Variants in PVT1 observed in about 807,000 individuals in gnomAD.
PVT1 encodes the protein CXCR4/PVT1 fusion.
At chr8:128,014,077 C>T (rs1042026196) in intron 4 of PVT1, among the ~76,000 whole-genome samples, 1 of 152,110 alleles carries the variant, frequency 6.6e-6, no homozygotes, top group Admixed American at 6.5e-5. Context: ...GTAGGCCCTG[C>T]AATAAACATG....
At chr8:127,957,895 A>G (rs1024624909) in intron 3 of PVT1, among the ~76,000 whole-genome samples, 15 of 152,236 alleles carry the variant, frequency 9.9e-5, no homozygotes, top group Non-Finnish European at 2.9e-5. Context: ...TCTGCAGGGC[A>G]AGGCCGAGAA....
chr8:128,076,284 C>T (rs1198144291), intron 5 of PVT1, among the ~76,000 whole-genome samples: 1 of 152,132 alleles, frequency 6.6e-6, no homozygotes, highest in Non-Finnish European at 1.5e-5. Context: ...CACACTGCCA[C>T]CAGGATTGAC....
At chr8:128,064,189 A>G (rs1159290199) in intron 4 of PVT1, among the ~76,000 whole-genome samples, 1 of 152,190 alleles carries the variant, frequency 6.6e-6, no homozygotes, top group Non-Finnish European at 1.5e-5. Flanking sequence ...ATGATATGCT[A>G]GAAATATTAA....
Position 127,983,730 on chromosome 8 carries a change from G to C in PVT1, n.783-5432G>C, listed in dbSNP as rs143687759. On this transcript the variant is annotated intron_variant and non_coding_transcript_variant, in intron 3 of 10. Transcript: ENST00000651587. ...TATCAAACTCAGGAAATTTAGCATT[G>C]CTGCAATTGTATTATCCAATCCTCA... Among the ~76,000 whole-genome samples, 457 of 152,228 alleles carry C rather than the reference G, an allele frequency of 3.0e-3. 4 individuals are homozygous for C. Among genetic ancestry groups the C allele is most frequent in the Middle Eastern group, 0.027 (8 of 294 alleles).
rs74427087 is a variant in PVT1 at position 128,043,674 on chromosome 8, C to T, written n.913-26486C>T. Among the ~76,000 whole-genome samples, 9 of 151,780 alleles carry T rather than the reference C, an allele frequency of 5.9e-5. No homozygotes were observed. In the East Asian group the frequency reaches 1.5e-3, roughly 26 times the overall value. On this transcript the variant is annotated intron_variant and non_coding_transcript_variant, in intron 4 of 10. Transcript: ENST00000651587. ...ATTTCAACATCTTAATTTTTTCAGT[C>T]GATAATTATATTTTGGAGATCTTTG...
chr8:127,844,505 ATCT>A (rs1815009139), intron 2 of PVT1, among the ~76,000 whole-genome samples: 1 of 152,026 alleles, frequency 6.6e-6, no homozygotes, highest in African/African-American at 2.4e-5. Context: ...TAACCTTTTA[ATCT>A]TCTTTGCTTC....
At chr8:127,816,927 T>C (rs938531635) in intron 2 of PVT1, among the ~76,000 whole-genome samples, 12 of 152,348 alleles carry the variant, frequency 7.9e-5, no homozygotes, top group Non-Finnish European at 1.5e-4. Context: ...TATTTTTCAC[T>C]GTGATAATCT....
At chr8:127,848,331 G>A (rs113677778) in intron 2 of PVT1, among the ~76,000 whole-genome samples, 1 of 151,760 alleles carries the variant, frequency 6.6e-6, no homozygotes, top group African/African-American at 2.4e-5. Flanking sequence ...GCAGGGGGTT[G>A]CTTGAGCCCA....
rs1814680752 is a variant in PVT1, at chr8:127,817,558, CACAT to C, written n.372+21489_372+21492del. Among the ~76,000 whole-genome samples the C allele has an allele frequency of 4.3e-4, 39 of 91,106 alleles. No individual in the cohort carries two copies. The Middle Eastern group carries it at 0.026, about 60-fold the overall frequency. 59.8% of individuals were successfully genotyped at this position (91,106 alleles called of 152,430 possible). Reference sequence around the variant, plus strand: ...ATATATATATATATACACACACACACACATATATATATATATTTCCCTAAGGGTT... The same window carrying C: ...ATATATATATATATACACACACACACATATATATATATTTCCCTAAGGGTT... On this transcript the variant is annotated intron_variant and non_coding_transcript_variant, in intron 2 of 10. Transcript: ENST00000651587.
rs573844877 is a variant in PVT1, at chr8:127,943,933, A to G, written n.783-45229A>G. Among the ~76,000 whole-genome samples, 76 of 152,326 alleles carry G rather than the reference A, an allele frequency of 5.0e-4. 2 individuals are homozygous for G. Among genetic ancestry groups the G allele is most frequent in the South Asian group, 8.3e-4 (4 of 4,828 alleles). On this transcript the variant is annotated intron_variant and non_coding_transcript_variant, in intron 3 of 10. Transcript: ENST00000651587. ...CATGTTACTCCACATGTGGGAGAAA[A>G]AAATCATCCCATCTACTTCAGGACT...
At chr8:127,809,749 G>C (rs568739930) in intron 2 of PVT1, among the ~76,000 whole-genome samples, 1 of 152,180 alleles carries the variant, frequency 6.6e-6, no homozygotes, top group Non-Finnish European at 1.5e-5. Context: ...CGAAGACAGA[G>C]TTCCCTTCCG....
chr8:127,888,610 T>G (rs1815555704), intron 2 of PVT1, among the ~76,000 whole-genome samples: 1 of 151,840 alleles, frequency 6.6e-6, no homozygotes, highest in Non-Finnish European at 1.5e-5. Flanking sequence ...TCCTTAGGAG[T>G]GGAAGAGGGA....
rs535007277 is a variant in PVT1 at position 128,037,691 on chromosome 8, G to A, written n.913-32469G>A. Among the ~76,000 whole-genome samples the A allele has an allele frequency of 7.9e-5, 12 of 152,274 alleles. 1 individual carries two copies. The highest frequency in any genetic ancestry group is 5.2e-4 in the Admixed American group (8 of 15,298). On this transcript the variant is annotated intron_variant and non_coding_transcript_variant, in intron 4 of 10. Transcript: ENST00000651587. ...CCTGGGTTCTGAACCCCAGGCCTCC[G>A]TGGGACACAGAGCTTCTCAGGAGCA...
chr8:127,966,957 G>A (rs1386663606), intron 3 of PVT1, among the ~76,000 whole-genome samples: 2 of 152,180 alleles, frequency 1.3e-5, no homozygotes, highest in African/African-American at 2.4e-5. Flanking sequence ...GCTATGGCTA[G>A]TGGGTTTGCT....
At position 128,026,511 on chromosome 8, in the gene PVT1, G is replaced by C. The variant is rs896168789; in HGVS notation, n.912+37220G>C. Among the ~76,000 whole-genome samples the C allele has an allele frequency of 3.3e-5, 5 of 152,030 alleles. No homozygotes were observed. The South Asian group carries it at 8.3e-4, about 25-fold the overall frequency. On this transcript the variant is annotated intron_variant and non_coding_transcript_variant, in intron 4 of 10. Transcript: ENST00000651587. ...ACAGAGGAGAAATATCTTTCCCCAA[G>C]CCCCACGTCGAGCAGTGGGTAGAAA...
chr8:127,918,444 A>G (rs1035305206), intron 3 of PVT1, among the ~76,000 whole-genome samples: 2 of 152,208 alleles, frequency 1.3e-5, no homozygotes, highest in Non-Finnish European at 2.9e-5. Context: ...GTCAGTGGGA[A>G]TAATAGAATA....
rs181549406 is a variant in PVT1, at chr8:128,080,654, A to G, written n.1114+10293A>G. On this transcript the variant is annotated intron_variant and non_coding_transcript_variant, in intron 5 of 10. Transcript: ENST00000651587. ...TTGTGCAAATATTTTCTCCCAGTCAATGCCTTGTCTTTTCATTCTCTTTGT... is the reference window on the plus strand; with the variant it reads ...TTGTGCAAATATTTTCTCCCAGTCAGTGCCTTGTCTTTTCATTCTCTTTGT... 3.3e-4 allele frequency among the ~76,000 whole-genome samples: 50 copies of G among 152,318 alleles called. No individual in the cohort carries two copies. In the Middle Eastern group the frequency reaches 0.01, roughly 31 times the overall value.
intron 2 of PVT1, among the ~76,000 whole-genome samples, chr8:127,845,120 A>G (rs182373057): frequency 6.6e-6 from 1 of 152,060 alleles, no homozygotes; most frequent in Non-Finnish European, 1.5e-5. Context: ...GGTTTCTTAA[A>G]TGAGGTGTGT....
At chr8:127,913,914 T>G (rs1162448802) in intron 3 of PVT1, among the ~76,000 whole-genome samples, 1 of 152,140 alleles carries the variant, frequency 6.6e-6, no homozygotes, top group African/African-American at 2.4e-5. Context: ...CACACATGGC[T>G]GTCTGTTCTC....
Sources: allele counts gnomAD v4.1 joint callset (sites outside exome capture counted in the v4.1 genomes callset), GRCh38; gene constraint gnomAD v4.1.1; transcripts MANE v1.5; gene names NCBI Gene and HGNC (gene_info 2026-07-23, HGNC 2026-07-21).